The following SFXN1 variants were observed in gnomAD, a reference collection of about 807,000 sequenced individuals.
SFXN1 encodes sideroflexin 1, also known as sideroflexin-1.
SFXN1 carries 32 observed loss-of-function variants against 39.5 expected under a neutral mutation model. The ratio of observed to expected loss-of-function variants is 0.81; its 90% CI spans 0.61 to 1.09. The LOEUF is 1.09. Among genes scored for constraint, SFXN1 ranks in the 50% least tolerant of loss-of-function variants. The pLI, the probability that SFXN1 is intolerant of heterozygous loss-of-function variation, is 0.00. For missense variants in SFXN1, 402 were observed against 407.1 expected (o/e 0.99, Z 0.11); for synonymous variants, 136 against 146.5 (o/e 0.93, Z 0.52).
chr5:175,510,436 C>G (rs943432296), intron 4 of SFXN1: 4 of 481,212 alleles, frequency 8.3e-6, no homozygotes, highest in Non-Finnish European at 1.5e-5. Flanking sequence ...AGACATTACT[C>G]GTGCCTTTGG....
chr5:175,519,745 C>T (rs1185801641), intron 8 of SFXN1, among the ~76,000 whole-genome samples: 3 of 151,342 alleles, frequency 2.0e-5, no homozygotes, highest in Non-Finnish European at 4.4e-5. Flanking sequence ...CTTATGGCTT[C>T]ACAGCCATAT....
intron 4 of SFXN1, among the ~76,000 whole-genome samples, chr5:175,511,039 T>C (rs1760491985): frequency 6.6e-6 from 1 of 152,236 alleles, no homozygotes; most frequent in Non-Finnish European, 1.5e-5. Flanking sequence ...CATTTTTGCT[T>C]TCAGTGTGTA....
At chr5:175,507,102 G>C (rs920633433) in intron 2 of SFXN1, among the ~76,000 whole-genome samples, 3 of 152,150 alleles carry the variant, frequency 2.0e-5, no homozygotes, top group African/African-American at 7.2e-5. Flanking sequence ...CAAGGTTCTA[G>C]AGGCTCTAGG....
At chr5:175,521,756 A>G (rs1760885058) in intron 8 of SFXN1, 163 bp from the exon 9 acceptor site, 1 of 539,130 alleles carries the variant, frequency 1.9e-6, no homozygotes, top group Admixed American at 2.7e-5. Context: ...AGGTTACAGG[A>G]AGTTAGGCTA....
At chr5:175,506,954 A>G (rs963149315) in intron 2 of SFXN1, among the ~76,000 whole-genome samples, 1 of 152,134 alleles carries the variant, frequency 6.6e-6, no homozygotes, top group African/African-American at 2.4e-5. Context: ...GTGAGCCACC[A>G]TGCCCAGCCT....
At chr5:175,512,341 CTG>C in intron 6 of SFXN1, 145 bp downstream of exon 6, 3 of 754,618 alleles carry the variant, frequency 4.0e-6, no homozygotes, top group East Asian at 2.7e-5. Context: ...TTGAAATACT[CTG>C]GGGTTGGGGA....
chr5:175,505,440 G>A (rs1454294394), intron 2 of SFXN1, among the ~76,000 whole-genome samples: 1 of 151,466 alleles, frequency 6.6e-6, no homozygotes, highest in Non-Finnish European at 1.5e-5. Flanking sequence ...AGGAGGCCGG[G>A]GCAGGAGCAT....
intron 2 of SFXN1, among the ~76,000 whole-genome samples, chr5:175,500,590 A>G (rs1366466004): frequency 6.6e-6 from 1 of 152,136 alleles, no homozygotes; most frequent in Non-Finnish European, 1.5e-5. Flanking sequence ...TAATCATCAA[A>G]ACCCCAGCAG....
intron 8 of SFXN1, among the ~76,000 whole-genome samples, chr5:175,517,974 AT>A (rs1159498469): frequency 6.6e-6 from 1 of 152,118 alleles, no homozygotes; most frequent in Non-Finnish European, 1.5e-5. Context: ...CTAATTGAAC[AT>A]TCTGGGCTTT....
intron 1 of SFXN1, among the ~76,000 whole-genome samples, chr5:175,480,292 T>G (rs1759190395): frequency 6.6e-6 from 1 of 151,906 alleles, no homozygotes; most frequent in Admixed American, 6.6e-5. Flanking sequence ...TCCCAGCTAC[T>G]CGGGAGGCTG....
chr5:175,511,435 C>T lies in SFXN1; in HGVS notation c.435-16C>T, dbSNP rs746934924. The stretch of plus-strand genomic sequence containing the variant: ...CATGCCCTCGTCGTCCACACGATAT[C>T]CTTTTTTCTTTTCAGTGAGTTGGGA... On this transcript the variant is annotated splice_polypyrimidine_tract_variant and intron_variant, in intron 4 of 10. Coordinates refer to ENST00000321442, the MANE Select transcript of SFXN1 (RefSeq NM_022754.7). The T allele has an allele frequency of 6.2e-7, 1 of 1,611,974 alleles. No individual in the cohort carries two copies. The highest frequency in any genetic ancestry group is 1.1e-5 in the South Asian group (1 of 91,006).
intron 7 of SFXN1, among the ~76,000 whole-genome samples, chr5:175,515,355 C>G (rs1439202148): frequency 2.6e-5 from 4 of 152,132 alleles, no homozygotes; most frequent in African/African-American, 9.7e-5. Context: ...TTGCCTTACT[C>G]CTCTTAGAGT....
intron 7 of SFXN1, among the ~76,000 whole-genome samples, chr5:175,514,734 G>T (rs1429795833): frequency 6.6e-6 from 1 of 152,202 alleles, no homozygotes; most frequent in Non-Finnish European, 1.5e-5. Flanking sequence ...TGAGGAATAT[G>T]ATATTCACAT....
chr5:175,486,186 G>GA (rs1561651891), intron 1 of SFXN1, among the ~76,000 whole-genome samples: 5 of 144,834 alleles, frequency 3.5e-5, no homozygotes, highest in African/African-American at 1.4e-4. Flanking sequence ...AAGGAAAAAA[G>GA]TGGGGGGGCC....
chr5:175,490,828 C>G (rs1226154384), intron 1 of SFXN1, among the ~76,000 whole-genome samples: 2 of 151,760 alleles, frequency 1.3e-5, no homozygotes, highest in Non-Finnish European at 2.9e-5. Context: ...ACAGCGGCCA[C>G]AAGGATGCTC....
At chr5:175,508,222 ATTTTTT>A (rs67028708) in intron 2 of SFXN1, among the ~76,000 whole-genome samples, 3 of 63,898 alleles carry the variant, frequency 4.7e-5, no homozygotes, top group Admixed American at 2.4e-4. Context: ...AATAGATTTG[ATTTTTT>A]TTTTTTTTTT....
At chr5:175,523,747 G>A (rs1488080501) in intron 10 of SFXN1, 2 of 151,964 alleles carry the variant, frequency 1.3e-5, no homozygotes, top group Non-Finnish European at 2.9e-5. Context: ...AGTGTCCTTA[G>A]GTCAAGGCCC....
Position 175,529,473 on chromosome 5 carries a change from G to A in SFXN1, c.*2739G>A, listed in dbSNP as rs1009735117. The A allele has an allele frequency of 3.1e-5, 4 of 128,074 alleles. No individual in the cohort carries two copies. The highest frequency in any genetic ancestry group is 1.8e-4 in the African/African-American group (4 of 22,390). The allele number at this position is 128,074 out of a possible 1,614,324, so 7.9% of individuals were successfully genotyped here. A position where few individuals can be genotyped will look rare whatever the true frequency, so the allele number is the denominator to read the frequency against. ...ACTGTATGTTGATCACAGTTTATAA[G>A]AAAGAACAAATCAAGATTGGCAATC... is the stretch of plus-strand genomic sequence containing the variant. On this transcript the variant is annotated 3_prime_UTR_variant, in exon 11 of 11. Coordinates refer to ENST00000321442, the MANE Select transcript of SFXN1 (RefSeq NM_022754.7).
At chr5:175,513,289 G>A (rs1253416540) in intron 6 of SFXN1, among the ~76,000 whole-genome samples, 174 bp from the exon 7 acceptor site, 12 of 107,462 alleles carry the variant, frequency 1.1e-4, no homozygotes, top group Non-Finnish European at 1.8e-5. Context: ...GCAACAGAGT[G>A]AGACTGTAAA....
Sources: allele counts gnomAD v4.1 joint callset (sites outside exome capture counted in the v4.1 genomes callset), GRCh38; gene constraint gnomAD v4.1.1; transcripts MANE v1.5; gene names NCBI Gene and HGNC (gene_info 2026-07-23, HGNC 2026-07-21).